The following TCF7 variants were observed in gnomAD, a reference collection of about 807,000 sequenced individuals.
TCF7 encodes transcription factor 7.
In TCF7, 19 loss-of-function variants were observed where a neutral mutation model predicts 46.8. The observed-to-expected ratio is 0.41, with a 90% CI of 0.28 to 0.60. TCF7 has a LOEUF of 0.60. TCF7 is among the 20% of genes least tolerant of loss of function. The pLI, the probability that TCF7 is intolerant of heterozygous loss-of-function variation, is 0.35. For synonymous variants in TCF7, 245 were observed against 213.4 expected (o/e 1.15, Z -1.29); for missense variants, 547 against 504.6 (o/e 1.08, Z -0.81).
chr5:134,146,139 C>T, intron 9 of TCF7, 85 bp from the exon 10 acceptor site: 1 of 1,613,124 alleles, frequency 6.2e-7, no homozygotes. Context: ...TCAGCCAGGC[C>T]TGTGCAAAGG....
rs1561644799 is a variant in TCF7 at position 134,115,355 on chromosome 5, TC to T, written c.287del (p.Pro96ArgfsTer12). On this transcript the variant is annotated frameshift_variant, in exon 2 of 10. Transcript: ENST00000342854. LOFTEE classifies it high-confidence loss of function. ...LGREHAAQRLFPDKLPEPLED... is the reference protein window; with the variant it reads ...LGREHAAQRLXPDKLPEPLED... The stretch of plus-strand genomic sequence containing the variant: ...CGGGAACACGCTGCGCAGAGACTCT[TC>T]CCGGACAAACTTCCAGAGCCCCTGG... 1 of 1,602,440 alleles carries T rather than the reference TC, an allele frequency of 6.2e-7. No individual in the cohort carries two copies. The highest frequency in any genetic ancestry group is 2.3e-5 in the East Asian group (1 of 44,350).
intron 3 of TCF7, among the ~76,000 whole-genome samples, chr5:134,135,160 A>C (rs546529692): frequency 6.6e-6 from 1 of 152,112 alleles, no homozygotes; most frequent in Admixed American, 6.5e-5. Flanking sequence ...AGGTCTCGCT[A>C]TGTTGCCCAG....
At chr5:134,138,218 AC>A (rs1436671605) in intron 4 of TCF7, 54 bp downstream of exon 4, 3 of 1,530,746 alleles carry the variant, frequency 2.0e-6, no homozygotes, top group Middle Eastern at 1.7e-4. Flanking sequence ...AAGGGCCAAG[AC>A]CCCAGCTTCT....
At chr5:134,128,479 C>T (rs1367387887) in intron 3 of TCF7, among the ~76,000 whole-genome samples, 1 of 151,990 alleles carries the variant, frequency 6.6e-6, no homozygotes, top group Non-Finnish European at 1.5e-5. Flanking sequence ...CCCCAGGGGT[C>T]TTGACTGGCT....
At chr5:134,139,156 G>A in intron 5 of TCF7, 118 bp downstream of exon 5, 1 of 1,461,112 alleles carries the variant, frequency 6.8e-7, no homozygotes, top group Non-Finnish European at 9.1e-7. Flanking sequence ...GCTCTGTTTA[G>A]ATGCCAGGGG....
intron 3 of TCF7, chr5:134,123,752 T>C (rs1413778353): frequency 2.2e-6 from 1 of 456,274 alleles, no homozygotes; most frequent in East Asian, 6.9e-5. Flanking sequence ...CATGTTGGCA[T>C]CATGGTAGGG....
chr5:134,109,402 T>C, the TCF7 span, among the ~76,000 whole-genome samples: 4 of 152,180 alleles, frequency 2.6e-5, no homozygotes, highest in East Asian at 5.8e-4. Flanking sequence ...CTCCACCTTC[T>C]GCTGCATTTG....
intron 6 of TCF7, 46 bp from the exon 7 acceptor site, chr5:134,142,675 T>A (rs1448236484): frequency 1.2e-6 from 2 of 1,603,806 alleles, no homozygotes; most frequent in Non-Finnish European, 1.7e-6. Flanking sequence ...TGCAATTAGG[T>A]GGGCACTCGG....
At chr5:134,128,335 C>G (rs756347590) in intron 3 of TCF7, among the ~76,000 whole-genome samples, 4 of 152,332 alleles carry the variant, frequency 2.6e-5, no homozygotes, top group Middle Eastern at 3.4e-3. Context: ...GCAGTTGGCA[C>G]TGCCCAGCCT....
intron 5 of TCF7, among the ~76,000 whole-genome samples, chr5:134,140,348 A>AGCCCAGAG (rs1759548773): frequency 6.6e-6 from 1 of 152,178 alleles, no homozygotes; most frequent in African/African-American, 2.4e-5. Context: ...CTAGTTAGGG[A>AGCCCAGAG]CTGTAGGAGC....
chr5:134,116,063 TG>T (rs781661109), intron 3 of TCF7, 30 bp downstream of exon 3: 1 of 1,595,774 alleles, frequency 6.3e-7, no homozygotes, highest in African/African-American at 1.3e-5. Flanking sequence ...AGTGCCGCCC[TG>T]TGCTTGCAGC....
chr5:134,143,098 T>C lies in TCF7; in HGVS notation c.1024T>C (p.Tyr342His). The C allele has an allele frequency of 1.2e-6, 2 of 1,601,362 alleles. No individual in the cohort carries two copies. The highest frequency in any genetic ancestry group is 1.7e-6 in the Non-Finnish European group (2 of 1,174,138). The change falls in exon 8 of 10, where the codon TAC (tyrosine) becomes CAC (histidine). Residue 342 changes from tyrosine to histidine, a missense_variant and splice_region_variant. Transcript: ENST00000342854. Reference protein sequence around the residue: ...LYPGWSARDNYGKKKRRSREK... With the variant: ...LYPGWSARDNHGKKKRRSREK... ...CCCAGGCTGGTCAGCGCGGGACAACTACGTGAGTGCCTAGTGACACACAGC... is the reference window on the plus strand; with the variant it reads ...CCCAGGCTGGTCAGCGCGGGACAACCACGTGAGTGCCTAGTGACACACAGC...
Position 134,146,854 on chromosome 5 carries a change from T to G in TCF7, c.*551T>G, listed in dbSNP as rs1320632984. The G allele has an allele frequency of 5.7e-6, 2 of 350,672 alleles. No individual in the cohort carries two copies. The highest frequency in any genetic ancestry group is 1.0e-5 in the Non-Finnish European group (2 of 190,688). The allele number at this position is 350,672 out of a possible 1,614,324, so 21.7% of individuals were successfully genotyped here. On this transcript the variant is annotated 3_prime_UTR_variant, in exon 10 of 10. Coordinates refer to ENST00000342854, the MANE Select transcript of TCF7 (RefSeq NM_003202.5). The stretch of plus-strand genomic sequence containing the variant: ...GCTATAGGTCAGAGATGGGCTGAAC[T>G]GAGCCTAGCTACCTTCTCTACCCAT...
chr5:134,144,793 G>A (rs1334609130), intron 9 of TCF7: 1 of 1,614,020 alleles, frequency 6.2e-7, no homozygotes, highest in Non-Finnish European at 8.5e-7. Flanking sequence ...ATGGCTGTGA[G>A]CAGACCCTGG....
intron 3 of TCF7, among the ~76,000 whole-genome samples, chr5:134,136,461 G>A (rs1028624379): frequency 4.6e-5 from 7 of 152,056 alleles, no homozygotes; most frequent in African/African-American, 1.7e-4. Flanking sequence ...GGCAGTGTCA[G>A]CACCTTCCCC....
intron 1 of TCF7, 48 bp from the exon 2 acceptor site, chr5:134,115,273 A>C: frequency 1.3e-6 from 2 of 1,484,358 alleles, no homozygotes; most frequent in Non-Finnish European, 9.0e-7. Flanking sequence ...GTCGGCCCCG[A>C]CCCCCGCGGT....
At chr5:134,146,105 G>A in intron 9 of TCF7, 119 bp from the exon 10 acceptor site, 1 of 1,605,142 alleles carries the variant, frequency 6.2e-7, no homozygotes, top group Non-Finnish European at 8.5e-7. Flanking sequence ...TACCACCCAA[G>A]TCCCAGGAAG....
chr5:134,130,321 G>A (rs1033403526), intron 3 of TCF7, among the ~76,000 whole-genome samples: 23 of 151,052 alleles, frequency 1.5e-4, no homozygotes, highest in Admixed American at 1.2e-3. Flanking sequence ...CAGACTCCTC[G>A]GCACAAAGCG....
chr5:134,119,069 T>C (rs1419402727), intron 3 of TCF7, among the ~76,000 whole-genome samples: 1 of 152,212 alleles, frequency 6.6e-6, no homozygotes, highest in Non-Finnish European at 1.5e-5. Context: ...GATAGTGAGC[T>C]GATCTTAGGC....
Sources: allele counts gnomAD v4.1 joint callset (sites outside exome capture counted in the v4.1 genomes callset), GRCh38; gene constraint gnomAD v4.1.1; transcripts MANE v1.5; gene names NCBI Gene and HGNC (gene_info 2026-07-23, HGNC 2026-07-21).